C9orf153: variants seen among roughly 807,000 people sequenced by gnomAD.
C9orf153 encodes the protein uncharacterized protein C9orf153.
In C9orf153, 10 loss-of-function variants were observed where a neutral mutation model predicts 9.0. That is an observed-to-expected ratio of 1.11 (90% CI 0.69 to 1.89). The LOEUF is 1.89. Among genes scored for constraint, C9orf153 ranks in the 40% most tolerant of loss-of-function variants. The pLI is 0.00. For missense variants in C9orf153, 108 were observed against 111.0 expected, an observed-to-expected ratio of 0.97 and a Z score of 0.12; for synonymous variants, 35 against 37.3, an observed-to-expected ratio of 0.94 and a Z score of 0.23.
intron 1 of C9orf153, among the ~76,000 whole-genome samples, chr9:86,256,543 A>T (rs1825126612): frequency 6.6e-6 from 1 of 152,196 alleles, no homozygotes. Flanking sequence ...ACAAAATGAG[A>T]TTTCTGGGAA....
At chr9:86,237,922 C>G (rs778233967) in intron 1 of C9orf153, among the ~76,000 whole-genome samples, 21 of 151,718 alleles carry the variant, frequency 1.4e-4, no homozygotes, top group Non-Finnish European at 2.1e-4. Context: ...CTACTAAAAA[C>G]GTAAAAAAAT....
chr9:86,236,127 G>A (rs1824580885), intron 1 of C9orf153, among the ~76,000 whole-genome samples: 1 of 152,098 alleles, frequency 6.6e-6, no homozygotes, highest in East Asian at 1.9e-4. Flanking sequence ...GCAAAGATAA[G>A]AATTACCTCT....
chr9:86,245,515 T>C (rs1026661869), intron 1 of C9orf153, among the ~76,000 whole-genome samples: 1 of 152,192 alleles, frequency 6.6e-6, no homozygotes, highest in African/African-American at 2.4e-5. Context: ...ATTGGTTTCT[T>C]GGGGACTGTC....
chr9:86,250,127 A>G (rs1051324643), intron 1 of C9orf153, among the ~76,000 whole-genome samples: 1 of 152,244 alleles, frequency 6.6e-6, no homozygotes, highest in Non-Finnish European at 1.5e-5. Flanking sequence ...TGTTGGACAC[A>G]CAGAGCAGAC....
intron 1 of C9orf153, among the ~76,000 whole-genome samples, chr9:86,234,254 G>T (rs539134429): frequency 6.6e-6 from 1 of 152,310 alleles, no homozygotes; most frequent in Non-Finnish European, 1.5e-5. Flanking sequence ...CAGACAGAAT[G>T]TCCTTCCTTC....
chr9:86,229,629 C>A lies in C9orf153; in HGVS notation c.-26G>T. Reference sequence around the variant, plus strand: ...CGTGCTGGGATTTTATTCTCTAATTCCTAAAAAAAGCAATATGAGAAAAGA... The same window carrying A: ...CGTGCTGGGATTTTATTCTCTAATTACTAAAAAAAGCAATATGAGAAAAGA... On this transcript the variant is annotated splice_region_variant and 5_prime_UTR_variant, in exon 2 of 4. Transcript: ENST00000339137. 1.3e-6 allele frequency: 2 copies of A among 1,576,206 alleles called. No homozygotes were observed. Among genetic ancestry groups the A allele is most frequent in the Admixed American group, 1.7e-5 (1 of 58,406 alleles).
chr9:86,257,403 C>T (rs942823298), intron 1 of C9orf153, among the ~76,000 whole-genome samples: 2 of 152,186 alleles, frequency 1.3e-5, no homozygotes, highest in Admixed American at 6.5e-5. Context: ...TTTTAAGCTC[C>T]TCCCTCCTGG....
rs973211928 is a variant in C9orf153 at position 86,221,568 on chromosome 9, C to T, written c.*120G>A. The stretch of plus-strand genomic sequence containing the variant: ...TTGAGGATAAATGACCAAAGACTTG[C>T]GAACTATAGGGGGGAAAATAACGTC... On this transcript the variant is annotated 3_prime_UTR_variant, in exon 4 of 4. Coordinates refer to ENST00000339137, the MANE Select transcript of C9orf153 (RefSeq NM_001276366.4). 7.3e-6 allele frequency: 10 copies of T among 1,364,972 alleles called. No individual in the cohort carries two copies. Among genetic ancestry groups the T allele is most frequent in the South Asian group, 4.0e-5 (2 of 50,524 alleles). The allele number at this position is 1,364,972 out of a possible 1,614,324, so 84.6% of individuals were successfully genotyped here.
chr9:86,256,234 T>C (rs1404351633), intron 1 of C9orf153, among the ~76,000 whole-genome samples: 3 of 152,234 alleles, frequency 2.0e-5, no homozygotes, highest in African/African-American at 7.2e-5. Context: ...CCTACATCAT[T>C]CTGGAATCGT....
chr9:86,257,114 C>T (rs749645332), intron 1 of C9orf153, among the ~76,000 whole-genome samples: 8 of 152,142 alleles, frequency 5.3e-5, no homozygotes, highest in Admixed American at 1.3e-4. Flanking sequence ...TTATAATTGC[C>T]GATTGGAGCA....
intron 1 of C9orf153, among the ~76,000 whole-genome samples, chr9:86,240,342 C>A (rs1228747164): frequency 6.6e-6 from 1 of 150,624 alleles, no homozygotes; most frequent in Non-Finnish European, 1.5e-5. Context: ...GCCGCACATG[C>A]ATTTCAGTGC....
At chr9:86,251,179 ACTAT>A (rs1207192049) in intron 1 of C9orf153, among the ~76,000 whole-genome samples, 4 of 152,234 alleles carry the variant, frequency 2.6e-5, no homozygotes, top group African/African-American at 4.8e-5. Context: ...ATATTCATTA[ACTAT>A]CTAGATGATA....
At chr9:86,248,016 C>T in intron 1 of C9orf153, among the ~76,000 whole-genome samples, 1 of 152,160 alleles carries the variant, frequency 6.6e-6, no homozygotes, top group Admixed American at 6.5e-5. Context: ...GGGAGGGTCC[C>T]TTGATGTGAT....
At chr9:86,247,785 C>T (rs934314691) in intron 1 of C9orf153, among the ~76,000 whole-genome samples, 9 of 152,156 alleles carry the variant, frequency 5.9e-5, no homozygotes, top group Non-Finnish European at 2.9e-5. Context: ...TTCTCTTATC[C>T]CTCAAAGATA....
intron 1 of C9orf153, among the ~76,000 whole-genome samples, chr9:86,231,416 C>T (rs1448936090): frequency 6.6e-6 from 1 of 152,076 alleles, no homozygotes; most frequent in Admixed American, 6.6e-5. Context: ...CAGGGTACCA[C>T]TGTATCATGA....
intron 1 of C9orf153, among the ~76,000 whole-genome samples, chr9:86,231,461 A>AT (rs1824467069): frequency 6.6e-6 from 1 of 152,064 alleles, no homozygotes; most frequent in Non-Finnish European, 1.5e-5. Context: ...AGTGTCTGAG[A>AT]TGAACCAAAA....
intron 1 of C9orf153, among the ~76,000 whole-genome samples, chr9:86,250,593 A>G (rs1824972170): frequency 6.6e-6 from 1 of 152,238 alleles, no homozygotes; most frequent in African/African-American, 2.4e-5. Flanking sequence ...ATGATTCTTT[A>G]CAATAATGTA....
At chr9:86,252,372 C>G (rs1825015386) in intron 1 of C9orf153, among the ~76,000 whole-genome samples, 1 of 152,086 alleles carries the variant, frequency 6.6e-6, no homozygotes, top group South Asian at 2.1e-4. Context: ...ACTGAGTCTC[C>G]TCTCCACCAA....
At chr9:86,237,624 T>G (rs1824626356) in intron 1 of C9orf153, among the ~76,000 whole-genome samples, 2 of 151,994 alleles carry the variant, frequency 1.3e-5, no homozygotes, top group African/African-American at 4.8e-5. Context: ...AGATCAAAAG[T>G]AAAGAGATAC....
Sources: gnomAD v4.1 joint callset for allele counts (sites outside exome capture counted in the v4.1 genomes callset) on GRCh38, gnomAD v4.1.1 for gene constraint, MANE v1.5 for transcripts, NCBI Gene and HGNC (gene_info 2026-07-23, HGNC 2026-07-21) for gene names.